The following IMPDH1 variants were observed in gnomAD, a reference collection of about 807,000 sequenced individuals.
IMPDH1 encodes inosine-5'-monophosphate dehydrogenase 1.
A neutral mutation model predicts 73.5 loss-of-function variants in IMPDH1; 41 were observed. The observed-to-expected ratio is 0.56, with a 90% CI of 0.43 to 0.72. The LOEUF is 0.72. Among genes scored for constraint, IMPDH1 ranks in the 30% least tolerant of loss-of-function variants. IMPDH1 has a pLI of 0.00. For missense variants in IMPDH1, 645 were observed against 824.8 expected (o/e 0.78, Z 2.67); for synonymous variants, 318 against 334.3 (o/e 0.95, Z 0.53).
intron 5 of IMPDH1, among the ~76,000 whole-genome samples, chr7:128,402,266 C>A (rs1798393602): frequency 1.3e-5 from 2 of 152,166 alleles, no homozygotes; most frequent in Non-Finnish European, 2.9e-5. Flanking sequence ...CAATGCCCAG[C>A]TAATTTTTGC....
intron 5 of IMPDH1, among the ~76,000 whole-genome samples, chr7:128,402,338 G>A (rs1197706342): frequency 2.0e-5 from 3 of 152,040 alleles, no homozygotes; most frequent in Non-Finnish European, 2.9e-5. Flanking sequence ...CCTGACCTCA[G>A]GTGATCCTCC....
chr7:128,394,357 T>C lies in IMPDH1; in HGVS notation c.1699A>G (p.Met567Val), dbSNP rs1328701628. The change falls in exon 16 of 17, where the codon ATG (methionine) becomes GTG (valine). Residue 567 changes from methionine (M) to valine (V), a missense_variant. Physicochemically the swap from Met to Val is conservative, Grantham distance 21. Transcript: ENST00000338791. The surrounding 1 kb of genome is among the most constrained non-coding windows in gnomAD (Gnocchi z 5.5). ...GARSLSVLRS[M>V]MYSGELKFEK... ...AACTTGAGCTCTCCTGAGTACATCATGGACCTAGGAGGAAGGTAGGTGGAG... is the reference window on the plus strand; with the variant it reads ...AACTTGAGCTCTCCTGAGTACATCACGGACCTAGGAGGAAGGTAGGTGGAG... 5.6e-6 allele frequency: 9 copies of C among 1,613,904 alleles called. No individual in the cohort carries two copies. Among genetic ancestry groups the C allele is most frequent in the South Asian group, 5.5e-5 (5 of 91,068 alleles).
In IMPDH1 at chr7:128,394,583, TCA is replaced by T; in HGVS notation, c.1565_1566del (p.Val522GlufsTer54). On this transcript the variant is annotated frameshift_variant, in exon 15 of 17. Transcript: ENST00000338791. LOFTEE classifies it high-confidence loss of function. The surrounding 1 kb of genome is among the most constrained non-coding windows in gnomAD (Gnocchi z 5.5). Reference sequence around the variant, plus strand: ...GAGCCCGAGACACCCTGCGCGATCTTCACTTTATCCCCCTCGCTGCGTGGAGG... The same window carrying T: ...GAGCCCGAGACACCCTGCGCGATCTTCTTTATCCCCCTCGCTGCGTGGAGG... Reference protein sequence around the residue: ...QKRYFSEGDKVKIAQGVSGSI... With the variant: ...QKRYFSEGDKXKIAQGVSGSI... The T allele has an allele frequency of 6.2e-7, 1 of 1,613,662 alleles. No individual in the cohort carries two copies. The highest frequency in any genetic ancestry group is 8.5e-7 in the Non-Finnish European group (1 of 1,179,948).
Position 128,409,829 on chromosome 7 carries a change from G to A in IMPDH1, c.73C>T (p.Gln25Ter). The change falls in exon 1 of 17, where the codon CAA (glutamine) becomes TAA (stop). Residue 25 changes from glutamine (Q) to a stop codon, truncating the protein, a stop_gained. Transcript: ENST00000338791. LOFTEE classifies it high-confidence loss of function. ...AAAVPEPGAR[Q>*]HPGHETAAQR... ...GCCGCCGTCTCGTGTCCCGGGTGTT[G>A]CCGGGCTCCGGGCTCCGGAACAGCG... The A allele has an allele frequency of 1.3e-6, 2 of 1,497,092 alleles. No homozygotes were observed. Among genetic ancestry groups the A allele is most frequent in the Non-Finnish European group, 1.8e-6 (2 of 1,130,560 alleles). 92.7% of individuals were successfully genotyped at this position (1,497,092 alleles called of 1,614,324 possible).
chr7:128,399,671 A>G (rs1043818521), intron 9 of IMPDH1, among the ~76,000 whole-genome samples: 3 of 152,002 alleles, frequency 2.0e-5, no homozygotes, highest in African/African-American at 7.3e-5. Context: ...TGGGTGAGAA[A>G]GTGAGACTCT....
intron 4 of IMPDH1, among the ~76,000 whole-genome samples, chr7:128,405,241 G>A (rs577406573): frequency 1.3e-4 from 20 of 152,308 alleles, no homozygotes; most frequent in Middle Eastern, 3.4e-3. Flanking sequence ...AATAATTCGC[G>A]CCTTGGGAGG....
chr7:128,407,969 A>AG (rs1438931340), intron 3 of IMPDH1, among the ~76,000 whole-genome samples: 1 of 152,072 alleles, frequency 6.6e-6, no homozygotes, highest in Non-Finnish European at 1.5e-5. Flanking sequence ...CATCACTCTA[A>AG]GCTGCTGGGC....
At position 128,394,815 on chromosome 7, in the gene IMPDH1, G is replaced by C; in HGVS notation, c.1550+74C>G. 5 of 1,563,926 alleles carry C rather than the reference G, an allele frequency of 3.2e-6. No individual in the cohort carries two copies. Among genetic ancestry groups the C allele is most frequent in the Non-Finnish European group, 4.4e-6 (5 of 1,140,680 alleles). On this transcript the variant is annotated intron_variant, in intron 14 of 16. Coordinates refer to ENST00000338791, the MANE Select transcript of IMPDH1 (RefSeq NM_000883.4). This position sits in a 1 kb window ranked among gnomAD's most constrained non-coding sequence, Gnocchi z 5.5. Reference sequence around the variant, plus strand: ...CATATGGGGACTGGCTGCCATCTGGGGAAGTCGGTGGCATGAGCGGGCCCT... The same window carrying C: ...CATATGGGGACTGGCTGCCATCTGGCGAAGTCGGTGGCATGAGCGGGCCCT...
At chr7:128,408,478 A>G (rs1798920484) in intron 3 of IMPDH1, among the ~76,000 whole-genome samples, 1 of 148,980 alleles carries the variant, frequency 6.7e-6, no homozygotes, top group African/African-American at 2.4e-5. Context: ...TGGCGAAGGC[A>G]GGTGGAGGTC....
At chr7:128,406,181 G>C (rs1335807753) in intron 3 of IMPDH1, among the ~76,000 whole-genome samples, 1 of 33,684 alleles carries the variant, frequency 3.0e-5, no homozygotes, top group Non-Finnish European at 5.3e-5. Flanking sequence ...AGCCCGGACC[G>C]GGTAGGAGGT....
At chr7:128,404,011 A>C (rs1798528604) in intron 4 of IMPDH1, among the ~76,000 whole-genome samples, 1 of 152,228 alleles carries the variant, frequency 6.6e-6, no homozygotes, top group Non-Finnish European at 1.5e-5. Context: ...ATAGGCCCAA[A>C]ATATCCATTG....
rs1488455606 is a variant in IMPDH1, at chr7:128,401,087, G to C, written c.432C>G (p.Ile144Met). ...AGGAGATCAGTGGCGTCTTCAGCGT[G>C]ATCTTCCGGGTCAGGGCTGAGGTCA... ...VDLTSALTRK[I>M]TLKTPLISSP... The change falls in exon 6 of 17, where the codon ATC (isoleucine) becomes ATG (methionine). Residue 144 changes from isoleucine to methionine, a missense_variant. Around this residue, in one of 2 missense-constraint regions of IMPDH1, gnomAD observed 459 missense variants for 638.2 expected, o/e 0.72. Transcript: ENST00000338791. 3.1e-6 allele frequency: 5 copies of C among 1,613,856 alleles called. No homozygotes were observed. Among genetic ancestry groups the C allele is most frequent in the Non-Finnish European group, 4.2e-6 (5 of 1,180,028 alleles).
At chr7:128,405,682 C>A in intron 4 of IMPDH1, 85 bp downstream of exon 4, 1 of 1,472,566 alleles carries the variant, frequency 6.8e-7, no homozygotes, top group Non-Finnish European at 9.0e-7. Flanking sequence ...CAGGGAACGC[C>A]GGGGGAGCCG....
rs1799036858 is a variant in IMPDH1 at position 128,409,941 on chromosome 7, T to G, written c.-40A>C. 4 of 1,324,168 alleles carry G rather than the reference T, an allele frequency of 3.0e-6. No homozygotes were observed. In the South Asian group the frequency reaches 6.1e-5, roughly 20 times the overall value. The allele number at this position is 1,324,168 out of a possible 1,614,324, so 82.0% of individuals were successfully genotyped here. A position where few individuals can be genotyped will look rare whatever the true frequency, so the allele number is the denominator to read the frequency against. On this transcript the variant is annotated 5_prime_UTR_variant, in exon 1 of 17. Transcript: ENST00000338791. ...TCAGGGCGGGCGGGAGCCTGGAGGC[T>G]CCCGGGGCCCCGGCTGGGCAGTGAG...
At chr7:128,400,988 G>C (rs1798296092) in intron 6 of IMPDH1, 27 bp downstream of exon 6, 1 of 1,603,438 alleles carries the variant, frequency 6.2e-7, no homozygotes, top group Non-Finnish European at 8.5e-7. Flanking sequence ...GTGTGCCCTG[G>C]AGTCCCCATG....
rs1313564718 is a variant in IMPDH1 at position 128,396,641 on chromosome 7, C to T, written c.1220G>A (p.Arg407His). The T allele has an allele frequency of 6.4e-6, 10 of 1,555,494 alleles. No homozygotes were observed. The highest frequency in any genetic ancestry group is 2.4e-5 in the East Asian group (1 of 41,440). The change falls in exon 12 of 17, where the codon CGC becomes CAC. Residue 407 changes from arginine to histidine, a missense_variant. Around this residue, in one of 2 missense-constraint regions of IMPDH1, gnomAD observed 459 missense variants for 638.2 expected, o/e 0.72. Coordinates refer to ENST00000338791, the MANE Select transcript of IMPDH1 (RefSeq NM_000883.4). The surrounding 1 kb of genome is among the most constrained non-coding windows in gnomAD (Gnocchi z 4.0). The stretch of plus-strand genomic sequence containing the variant: ...GATGGAGCCGCAGCCCATGCCCACG[C>T]GCAGCCCGTCCACACCAGCATCAAT... Reference protein sequence around the residue: ...NLIDAGVDGLRVGMGCGSICI... With the variant: ...NLIDAGVDGLHVGMGCGSICI...
rs547361674 is a variant in IMPDH1 at position 128,393,712 on chromosome 7, G to C, written c.1778+566C>G. 4 of 192,134 alleles carry C rather than the reference G, an allele frequency of 2.1e-5. No individual in the cohort carries two copies. In the South Asian group the frequency reaches 4.1e-4, roughly 20 times the overall value. 11.9% of individuals were successfully genotyped at this position (192,134 alleles called of 1,614,324 possible). ...ACTCTACGCTTGGCCCGGGCAGCGC[G>C]GTTACTTACACGGCAGAAAGGTATA... is the stretch of plus-strand genomic sequence containing the variant. On this transcript the variant is annotated intron_variant, in intron 16 of 16. Transcript: ENST00000338791.
In IMPDH1 at chr7:128,394,791, A is replaced by G; in HGVS notation, c.1550+98T>C. 6.7e-7 allele frequency: 1 copy of G among 1,503,126 alleles called. No individual in the cohort carries two copies. Among genetic ancestry groups the G allele is most frequent in the African/African-American group, 1.4e-5 (1 of 72,842 alleles). 93.1% of individuals were successfully genotyped at this position (1,503,126 alleles called of 1,614,324 possible). On this transcript the variant is annotated intron_variant, in intron 14 of 16. Transcript: ENST00000338791. The surrounding 1 kb of genome is among the most constrained non-coding windows in gnomAD (Gnocchi z 5.5). ...CTGTGCCTCAGTTTCCAGAACCACC[A>G]TATGGGGACTGGCTGCCATCTGGGG...
At chr7:128,400,014 C>T in intron 9 of IMPDH1, 81 bp downstream of exon 9, 1 of 1,116,352 alleles carries the variant, frequency 9.0e-7, no homozygotes, top group Non-Finnish European at 1.4e-6. Flanking sequence ...GCTGGGATAA[C>T]CTGTAAGGCT....
Sources: gnomAD v4.1 joint callset for allele counts (sites outside exome capture counted in the v4.1 genomes callset) on GRCh38, gnomAD v4.1.1 for gene constraint, gnomAD v4.1.1 regional missense constraint, Gnocchi (gnomAD v3.1) non-coding constraint, MANE v1.5 for transcripts, NCBI Gene and HGNC (gene_info 2026-07-23, HGNC 2026-07-21) for gene names.